The following HK2 variants were observed in gnomAD, a reference collection of about 807,000 sequenced individuals.
HK2 encodes hexokinase 2.
Under a neutral mutation model 92.9 loss-of-function variants are expected in HK2, and 42 were observed. The ratio of observed to expected loss-of-function variants is 0.45; its 90% CI spans 0.35 to 0.58. HK2 has a LOEUF of 0.58. HK2 is among the 20% of genes least tolerant of loss of function. The pLI, the probability that HK2 is intolerant of heterozygous loss-of-function variation, is 0.00. For synonymous variants in HK2, 422 were observed against 468.0 expected, an observed-to-expected ratio of 0.90 and a Z score of 1.27; for missense variants, 978 against 1,245.1, an observed-to-expected ratio of 0.79 and a Z score of 3.23.
At chr2:74,862,533 A>C (rs554564334) in intron 2 of HK2, among the ~76,000 whole-genome samples, 1 of 152,344 alleles carries the variant, frequency 6.6e-6, no homozygotes, top group African/African-American at 2.4e-5. Flanking sequence ...TGATGTGATA[A>C]AGGGAGACCG....
At chr2:74,837,820 C>T (rs1014742765) in intron 1 of HK2, among the ~76,000 whole-genome samples, 1 of 152,026 alleles carries the variant, frequency 6.6e-6, no homozygotes, top group Non-Finnish European at 1.5e-5. Flanking sequence ...GGATTACAGG[C>T]GTGCGCCACC....
chr2:74,838,827 C>T (rs991091705), intron 1 of HK2, among the ~76,000 whole-genome samples: 8 of 152,128 alleles, frequency 5.3e-5, no homozygotes, highest in Non-Finnish European at 8.8e-5. Context: ...AGTGAGCCAC[C>T]GCGCCTGGCT....
In HK2 at chr2:74,867,196, A is replaced by G. The variant is rs116791832; in HGVS notation, c.227-440A>G. Among the ~76,000 whole-genome samples, 362 of 151,626 alleles carry G rather than the reference A, an allele frequency of 2.4e-3. 4 individuals carry two copies. Among genetic ancestry groups the G allele is most frequent in the African/African-American group, 8.5e-3 (346 of 40,882 alleles). ...TGCGACAGAATACTACTTAGCCATAAAAAGGAACAAATTAATGGCATTCGT... is the reference window on the plus strand; with the variant it reads ...TGCGACAGAATACTACTTAGCCATAGAAAGGAACAAATTAATGGCATTCGT... On this transcript the variant is annotated intron_variant, in intron 2 of 17. Transcript: ENST00000290573.
At chr2:74,857,095 A>G (rs779930580) in intron 2 of HK2, among the ~76,000 whole-genome samples, 5 of 152,190 alleles carry the variant, frequency 3.3e-5, no homozygotes, top group Non-Finnish European at 5.9e-5. Flanking sequence ...TCACTGAAAC[A>G]AAGGAAGTGG....
intron 1 of HK2, among the ~76,000 whole-genome samples, chr2:74,853,715 A>T (rs1021130725): frequency 6.6e-6 from 1 of 151,946 alleles, no homozygotes; most frequent in African/African-American, 2.4e-5. Flanking sequence ...AAAAGATAAA[A>T]AGATTAGGAG....
At position 74,844,529 on chromosome 2, in the gene HK2, G is replaced by A. The variant is rs116573376; in HGVS notation, c.64-9764G>A. 8.3e-3 allele frequency among the ~76,000 whole-genome samples: 1,264 copies of A among 152,316 alleles called. 16 individuals are homozygous for A. Among genetic ancestry groups the A allele is most frequent in the African/African-American group, 0.028 (1,155 of 41,568 alleles). On this transcript the variant is annotated intron_variant, in intron 1 of 17. Transcript: ENST00000290573. ...GCAGGGAAGTGTGGGTACCTTGCCTGTGGTGGGTGTGATCTTGGGGTGGAT... is the reference window on the plus strand; with the variant it reads ...GCAGGGAAGTGTGGGTACCTTGCCTATGGTGGGTGTGATCTTGGGGTGGAT...
chr2:74,893,329 AT>A lies in HK2; in HGVS notation c.*2389del, dbSNP rs1351982680. 6.6e-6 allele frequency: 1 copy of A among 152,216 alleles called. No individual in the cohort carries two copies. The highest frequency in any genetic ancestry group is 1.5e-5 in the Non-Finnish European group (1 of 68,050). 9.4% of individuals were successfully genotyped at this position (152,216 alleles called of 1,614,324 possible). A position where few individuals can be genotyped will look rare whatever the true frequency, so the allele number is the denominator to read the frequency against. On this transcript the variant is annotated 3_prime_UTR_variant, in exon 18 of 18. Transcript: ENST00000290573. ...AACTATGTGATGTTAACTATTATTA[AT>A]AAATTTTAACATTTTCCAAAATAAT...
At chr2:74,839,828 T>TTGTA (rs72291701) in intron 1 of HK2, among the ~76,000 whole-genome samples, 34,498 of 151,540 alleles carry the variant, frequency 0.23, 4,360 homozygotes, top group South Asian at 0.35. Context: ...CAGCTAATTT[T>TTGTA]TTTTTAGTAG....
At chr2:74,872,088 C>A (rs1390656372) in intron 3 of HK2, among the ~76,000 whole-genome samples, 2 of 152,142 alleles carry the variant, frequency 1.3e-5, no homozygotes, top group Non-Finnish European at 2.9e-5. Context: ...TAATGTTAAG[C>A]CTTTATGTAT....
At chr2:74,837,326 C>T (rs543311874) in intron 1 of HK2, among the ~76,000 whole-genome samples, 19 of 152,368 alleles carry the variant, frequency 1.2e-4, no homozygotes, top group African/African-American at 3.8e-4. Flanking sequence ...GCCCGGGCCT[C>T]TGCCCACTCC....
chr2:74,855,597 C>T (rs565939807), intron 2 of HK2, among the ~76,000 whole-genome samples: 2 of 152,220 alleles, frequency 1.3e-5, no homozygotes, highest in Admixed American at 1.3e-4. Flanking sequence ...GAAAAAGGAT[C>T]ACGGTGGAGA....
chr2:74,838,538 T>A (rs1434971258), intron 1 of HK2, among the ~76,000 whole-genome samples: 1 of 66,676 alleles, frequency 1.5e-5, no homozygotes, highest in South Asian at 3.6e-4. Flanking sequence ...ATTCTTTCTA[T>A]TTTTTTTTTT....
intron 7 of HK2, 149 bp downstream of exon 7, chr2:74,874,598 A>G: frequency 1.4e-6 from 1 of 728,500 alleles, no homozygotes. Flanking sequence ...CTGTGACTAT[A>G]AATTGCTGAG....
chr2:74,886,193 A>G (rs1689531168), intron 13 of HK2, 101 bp from the exon 14 acceptor site: 2 of 880,150 alleles, frequency 2.3e-6, no homozygotes, highest in Non-Finnish European at 1.9e-6. Context: ...GCCATGGTGT[A>G]TGATATATAT....
At chr2:74,866,793 A>G (rs1406659635) in intron 2 of HK2, among the ~76,000 whole-genome samples, 2 of 152,126 alleles carry the variant, frequency 1.3e-5, no homozygotes, top group Non-Finnish European at 2.9e-5. Flanking sequence ...GCATTCTGAT[A>G]AGCCTGAGAT....
intron 2 of HK2, among the ~76,000 whole-genome samples, chr2:74,856,008 A>G (rs113824334): frequency 6.6e-6 from 1 of 152,156 alleles, no homozygotes; most frequent in South Asian, 2.1e-4. Context: ...AGGTACTCAC[A>G]TCTAGAGGAC....
chr2:74,872,470 G>T, intron 4 of HK2, 51 bp downstream of exon 4: 1 of 1,610,786 alleles, frequency 6.2e-7, no homozygotes, highest in Non-Finnish European at 8.5e-7. Flanking sequence ...GGCTGGGAGG[G>T]CTGAGAGGGA....
intron 1 of HK2, chr2:74,835,030 A>G: frequency 6.3e-6 from 2 of 317,090 alleles, no homozygotes; most frequent in Non-Finnish European, 1.2e-5. Context: ...GCACGTGGAG[A>G]GAATCGTGGC....
rs147104322 is a variant in HK2 at position 74,879,722 on chromosome 2, C to A, written c.1266-543C>A. Among the ~76,000 whole-genome samples the A allele has an allele frequency of 2.7e-3, 411 of 152,322 alleles. 2 individuals are homozygous for A. The highest frequency in any genetic ancestry group is 9.3e-3 in the African/African-American group (385 of 41,566). ...CCAAGTGGCCACTACCCAGAGAGTT[C>A]CTGGCTGAACACGTTGTCTTTAGCT... is the stretch of plus-strand genomic sequence containing the variant. On this transcript the variant is annotated intron_variant, in intron 9 of 17. Transcript: ENST00000290573.
Sources: gnomAD v4.1 joint callset for allele counts (sites outside exome capture counted in the v4.1 genomes callset) on GRCh38, gnomAD v4.1.1 for gene constraint, MANE v1.5 for transcripts, NCBI Gene and HGNC (gene_info 2026-07-23, HGNC 2026-07-21) for gene names.